The following DLGAP2 variants were observed in gnomAD, a reference collection of about 807,000 sequenced individuals.
DLGAP2 encodes the protein DLG associated protein 2.
DLGAP2 carries 26 observed loss-of-function variants against 100.3 expected under a neutral mutation model. The ratio of observed to expected loss-of-function variants is 0.26; its 90% CI spans 0.19 to 0.36. The LOEUF (loss-of-function observed/expected upper bound fraction) is 0.36. Among genes scored for constraint, DLGAP2 ranks in the 10% least tolerant of loss-of-function variants. The probability of loss-of-function intolerance (pLI) is 1.00; values close to 1 mark genes in which losing one functional copy is unlikely to be tolerated. For synonymous variants in DLGAP2, 886 were observed against 630.1 expected (o/e 1.41, Z -6.08); for missense variants, 1,858 against 1,453.2 (o/e 1.28, Z -4.53).
chr8:1,663,117 C>T (rs1297521581), intron 8 of DLGAP2, among the ~76,000 whole-genome samples: 1 of 61,822 alleles, frequency 1.6e-5, no homozygotes, highest in Non-Finnish European at 2.9e-5. Flanking sequence ...TGTGTGTACA[C>T]AGTGTGGGGG....
At chr8:1,537,768 AGG>A (rs1801205703) in intron 4 of DLGAP2, among the ~76,000 whole-genome samples, 1 of 149,660 alleles carries the variant, frequency 6.7e-6, no homozygotes, top group Non-Finnish European at 1.5e-5. Flanking sequence ...GAAGGAAGGA[AGG>A]AAGGAAGGAA....
At chr8:1,240,503 G>T (rs73670687) in intron 2 of DLGAP2, among the ~76,000 whole-genome samples, 1 of 148,414 alleles carries the variant, frequency 6.7e-6, no homozygotes, top group Non-Finnish European at 1.5e-5. Flanking sequence ...ACATGGCGCC[G>T]TGTCTAGTTC....
At chr8:1,258,742 A>G (rs900706329) in intron 2 of DLGAP2, 109 bp from the exon 3 acceptor site, 2 of 971,722 alleles carry the variant, frequency 2.1e-6, no homozygotes, top group East Asian at 3.3e-5. Flanking sequence ...GGTGTGGTCA[A>G]GCGGCGTCAT....
chr8:867,867 G>A (rs555498609), intron 1 of DLGAP2, among the ~76,000 whole-genome samples: 112 of 152,314 alleles, frequency 7.4e-4, no homozygotes, highest in Non-Finnish European at 1.2e-3. Context: ...AGTTTTCCAC[G>A]TAACGCATTT....
intron 2 of DLGAP2, among the ~76,000 whole-genome samples, chr8:908,340 A>C (rs1467315419): frequency 6.6e-6 from 1 of 152,164 alleles, no homozygotes; most frequent in Admixed American, 6.5e-5. Context: ...CTAGAGAGAA[A>C]TGTGTTTGGA....
chr8:1,328,592 C>T (rs1336707531), intron 3 of DLGAP2, among the ~76,000 whole-genome samples: 1 of 152,174 alleles, frequency 6.6e-6, no homozygotes, highest in South Asian at 2.1e-4. Context: ...CTCAGGTGAT[C>T]TGCCCGCCTT....
chr8:1,247,332 A>T (rs62489180), intron 2 of DLGAP2, among the ~76,000 whole-genome samples: 1 of 69,244 alleles, frequency 1.4e-5, no homozygotes, highest in Admixed American at 1.4e-4. Flanking sequence ...GATGGTCCAC[A>T]TCGGTGGCCA....
chr8:1,536,185 C>A (rs1221178382), intron 4 of DLGAP2, among the ~76,000 whole-genome samples: 1 of 152,214 alleles, frequency 6.6e-6, no homozygotes, highest in African/African-American at 2.4e-5. Flanking sequence ...GAAGCCAGGG[C>A]ACCGTGGTTC....
In DLGAP2 at chr8:1,074,747, G is replaced by A. The variant is rs149685539; in HGVS notation, c.73+166781G>A. Among the ~76,000 whole-genome samples, 73 of 152,314 alleles carry A rather than the reference G, an allele frequency of 4.8e-4. 2 individuals are homozygous for A. The highest frequency in any genetic ancestry group is 3.4e-3 in the Middle Eastern group (1 of 294). ...TTTCCAGTGACCAGGTCGTCAAGGC[G>A]TGGGTGATTTTTTAGAAGTCATCTG... On this transcript the variant is annotated intron_variant, in intron 2 of 14. Coordinates refer to ENST00000637795, the MANE Select transcript of DLGAP2 (RefSeq NM_001346810.2).
At chr8:900,257 G>A (rs1247988758) in intron 1 of DLGAP2, among the ~76,000 whole-genome samples, 17 of 147,882 alleles carry the variant, frequency 1.1e-4, no homozygotes, top group Middle Eastern at 3.6e-3. Flanking sequence ...GCTCCCAGGC[G>A]GACGGTCGGC....
intron 12 of DLGAP2, among the ~76,000 whole-genome samples, chr8:1,686,542 C>G (rs572948676): frequency 6.6e-6 from 1 of 152,234 alleles, no homozygotes; most frequent in African/African-American, 2.4e-5. Context: ...GTGGCGCACG[C>G]CTGTAATCCC....
intron 2 of DLGAP2, among the ~76,000 whole-genome samples, chr8:960,005 A>T (rs1799685862): frequency 6.6e-6 from 1 of 152,134 alleles, no homozygotes; most frequent in African/African-American, 2.4e-5. Flanking sequence ...CAATAAACTG[A>T]TGTTTGAGGA....
intron 3 of DLGAP2, among the ~76,000 whole-genome samples, chr8:1,288,621 C>T (rs1204885519): frequency 7.9e-6 from 1 of 126,222 alleles, no homozygotes; most frequent in African/African-American, 3.1e-5. Context: ...AGGAGGGGAA[C>T]TAGTTTCATT....
At chr8:1,639,460 G>T (rs1018326083) in intron 8 of DLGAP2, among the ~76,000 whole-genome samples, 1 of 152,214 alleles carries the variant, frequency 6.6e-6, no homozygotes, top group African/African-American at 2.4e-5. Flanking sequence ...CAGGGGTCCT[G>T]TGCCACCCCC....
chr8:804,011 G>A (rs538285868), intron 1 of DLGAP2, among the ~76,000 whole-genome samples: 20 of 152,196 alleles, frequency 1.3e-4, no homozygotes, highest in African/African-American at 4.8e-4. Flanking sequence ...CTGGGTTGGC[G>A]GGGGGTGTGG....
At chr8:1,222,073 G>A (rs1014111578) in intron 2 of DLGAP2, among the ~76,000 whole-genome samples, 2 of 152,160 alleles carry the variant, frequency 1.3e-5, no homozygotes, top group African/African-American at 4.8e-5. Flanking sequence ...TGAATTCCAT[G>A]TCTGTTGTTT....
chr8:1,197,077 C>T (rs752415394), intron 2 of DLGAP2, among the ~76,000 whole-genome samples: 4 of 152,160 alleles, frequency 2.6e-5, no homozygotes, highest in Non-Finnish European at 4.4e-5. Flanking sequence ...AACAAATTCT[C>T]CTTTCTCCAC....
chr8:1,075,191 G>C (rs1479996102), intron 2 of DLGAP2, among the ~76,000 whole-genome samples: 2 of 152,188 alleles, frequency 1.3e-5, no homozygotes, highest in Non-Finnish European at 2.9e-5. Context: ...AGTGGGAGTT[G>C]CTGCAAAGCT....
chr8:1,442,956 G>A (rs1355395476), intron 3 of DLGAP2, among the ~76,000 whole-genome samples: 3 of 152,206 alleles, frequency 2.0e-5, no homozygotes, highest in African/African-American at 7.2e-5. Context: ...CTGAAAGCAA[G>A]CAAAACTTAT....
Sources: gnomAD v4.1 joint callset for allele counts (sites outside exome capture counted in the v4.1 genomes callset) on GRCh38, gnomAD v4.1.1 for gene constraint, MANE v1.5 for transcripts, NCBI Gene and HGNC (gene_info 2026-07-23, HGNC 2026-07-21) for gene names.